The following RALGAPB variants were observed in gnomAD, a reference collection of about 807,000 sequenced individuals.
The protein encoded by RALGAPB is ral GTPase-activating protein subunit beta.
Under a neutral mutation model 161.1 loss-of-function variants are expected in RALGAPB, and 25 were observed. The observed-to-expected ratio is 0.16, with a 90% confidence interval of 0.11 to 0.22. The LOEUF (loss-of-function observed/expected upper bound fraction) is 0.22, where lower values mean the gene tolerates loss of function less well. Among genes scored for constraint, RALGAPB ranks in the 10% least tolerant of loss-of-function variants. The pLI, the probability that RALGAPB is intolerant of heterozygous loss-of-function variation, is 1.00. For missense variants in RALGAPB, 1,391 were observed against 1,815.2 expected, an observed-to-expected ratio of 0.77 and a Z score of 4.25; for synonymous variants, 629 against 626.1, an observed-to-expected ratio of 1.00 and a Z score of -0.07.
At chr20:38,569,572 T>C (rs1038600549) in intron 26 of RALGAPB, 7 of 231,954 alleles carry the variant, frequency 3.0e-5, no homozygotes, top group Admixed American at 2.0e-4. Flanking sequence ...CTAACAGAGA[T>C]AGACTCAAAT....
At position 38,541,003 on chromosome 20, in the gene RALGAPB, G is replaced by A. The variant is rs1360254681; in HGVS notation, c.2563-38G>A. The A allele has an allele frequency of 2.5e-6, 4 of 1,603,320 alleles. 1 individual carries two copies. Among genetic ancestry groups the A allele is most frequent in the Non-Finnish European group, 3.4e-6 (4 of 1,172,990 alleles). On this transcript the variant is annotated intron_variant, in intron 17 of 29. Transcript: ENST00000262879. ...ATTTCCTTGTCTTCTCATGAGAAAGGTGTGTTCTAAAAATTGATCTGCCTT... is the reference window on the plus strand; with the variant it reads ...ATTTCCTTGTCTTCTCATGAGAAAGATGTGTTCTAAAAATTGATCTGCCTT...
At chr20:38,546,894 C>A (rs1025308725) in intron 19 of RALGAPB, 4 of 156,792 alleles carry the variant, frequency 2.6e-5, no homozygotes, top group African/African-American at 9.7e-5. Flanking sequence ...TCCCAGGGAC[C>A]CTTGAATTTT....
At chr20:38,494,427 TC>T (rs2085360226) in intron 3 of RALGAPB, among the ~76,000 whole-genome samples, 1 of 152,198 alleles carries the variant, frequency 6.6e-6, no homozygotes, top group South Asian at 2.1e-4. Flanking sequence ...GGTCAGGAGT[TC>T]CAGACCAGCC....
At chr20:38,531,313 G>A in intron 14 of RALGAPB, 82 bp downstream of exon 14, 2 of 1,178,306 alleles carry the variant, frequency 1.7e-6, no homozygotes, top group Middle Eastern at 1.9e-4. Context: ...CCATCTTTGT[G>A]AATTTTAAAG....
At chr20:38,522,404 C>T (rs749492994) in intron 10 of RALGAPB, among the ~76,000 whole-genome samples, 9 of 152,118 alleles carry the variant, frequency 5.9e-5, no homozygotes, top group Admixed American at 1.3e-4. Context: ...GTTGATCAAC[C>T]GATCAACCAA....
At chr20:38,533,342 T>C (rs2086712754) in intron 15 of RALGAPB, among the ~76,000 whole-genome samples, 1 of 152,184 alleles carries the variant, frequency 6.6e-6, no homozygotes, top group African/African-American at 2.4e-5. Context: ...GAAACATTTT[T>C]ATTTTCTGCC....
intron 4 of RALGAPB, among the ~76,000 whole-genome samples, chr20:38,498,504 T>C (rs2085490732): frequency 6.6e-6 from 1 of 152,368 alleles, no homozygotes; most frequent in South Asian, 2.1e-4. Flanking sequence ...GATGCAATGA[T>C]AGTAATACTC....
intron 2 of RALGAPB, among the ~76,000 whole-genome samples, chr20:38,490,769 C>A (rs2085256713): frequency 6.6e-6 from 1 of 152,120 alleles, no homozygotes; most frequent in South Asian, 2.1e-4. Context: ...CTTGGCCTCC[C>A]AAAGTGCTGG....
intron 18 of RALGAPB, among the ~76,000 whole-genome samples, chr20:38,542,288 C>T (rs1301160805): frequency 6.6e-6 from 1 of 152,134 alleles, no homozygotes; most frequent in Non-Finnish European, 1.5e-5. Context: ...CAGCCCTTAC[C>T]AAGATCCCAG....
rs555344371 is a variant in RALGAPB at position 38,558,465 on chromosome 20, G to A, written c.3531+12G>A. ...AAACGAACCAAGAGGTAAGAGTTACGAATTTTTTTTTTTTGGTATGTTTTT... is the reference window on the plus strand; with the variant it reads ...AAACGAACCAAGAGGTAAGAGTTACAAATTTTTTTTTTTTGGTATGTTTTT... On this transcript the variant is annotated intron_variant, in intron 23 of 29. Coordinates refer to ENST00000262879, the MANE Select transcript of RALGAPB (RefSeq NM_020336.4). 1.0e-5 allele frequency: 16 copies of A among 1,537,620 alleles called. No individual in the cohort carries two copies. Among genetic ancestry groups the A allele is most frequent in the Admixed American group, 6.1e-5 (3 of 48,838 alleles).
chr20:38,473,408 A>C (rs890826699), intron 1 of RALGAPB, among the ~76,000 whole-genome samples: 3 of 152,212 alleles, frequency 2.0e-5, no homozygotes, highest in African/African-American at 7.2e-5. Flanking sequence ...CAGAAAGGTT[A>C]GGCAAGTTGC....
chr20:38,529,714 G>A (rs2086590937), intron 13 of RALGAPB, among the ~76,000 whole-genome samples: 1 of 151,298 alleles, frequency 6.6e-6, no homozygotes, highest in East Asian at 2.0e-4. Context: ...GTGGTGGCAG[G>A]CGCCTGTAAT....
At chr20:38,487,704 A>G (rs1301707715) in intron 1 of RALGAPB, among the ~76,000 whole-genome samples, 1 of 152,202 alleles carries the variant, frequency 6.6e-6, no homozygotes, top group African/African-American at 2.4e-5. Flanking sequence ...TCTTGCAGGA[A>G]AATCTAGGAG....
Position 38,517,594 on chromosome 20 carries a change from C to T in RALGAPB, c.1140C>T (p.Pro380=), listed in dbSNP as rs568933534. 14 of 1,613,886 alleles carry T rather than the reference C, an allele frequency of 8.7e-6. No individual in the cohort carries two copies. The African/African-American group carries it at 9.4e-5, about 11-fold the overall frequency. ...AAAGTGCTGCTGTCAGTACCACCCC[C>T]CCACATAACCGGAGGCACCGGGCTG... is the stretch of plus-strand genomic sequence containing the variant. ...MPQSAAVSTT[P]PHNRRHRAVT... is the part of the protein sequence containing the mutation. Residue 380 remains proline, a synonymous_variant, in exon 8 of 30, where the codon CCC becomes CCT. Transcript: ENST00000262879.
chr20:38,530,475 C>G (rs1198386910), intron 13 of RALGAPB, among the ~76,000 whole-genome samples: 2 of 151,644 alleles, frequency 1.3e-5, no homozygotes, highest in African/African-American at 4.8e-5. Context: ...ACTCTGGTCT[C>G]AAACTCCTAG....
chr20:38,480,224 A>G (rs564773433), intron 1 of RALGAPB, among the ~76,000 whole-genome samples: 19 of 151,814 alleles, frequency 1.3e-4, no homozygotes, highest in Non-Finnish European at 2.2e-4. Context: ...CCTAACATTC[A>G]GAGTCCTTCA....
chr20:38,555,508 C>T (rs903519954), intron 22 of RALGAPB, among the ~76,000 whole-genome samples: 1 of 151,604 alleles, frequency 6.6e-6, no homozygotes, highest in African/African-American at 2.4e-5. Flanking sequence ...ATATGGAAGG[C>T]AAGGAAAAAA....
rs148652583 is a variant in RALGAPB, at chr20:38,563,965, A to C, written c.3697+1268A>C. On this transcript the variant is annotated intron_variant, in intron 24 of 29. Transcript: ENST00000262879. Reference sequence around the variant, plus strand: ...GAGGAGAGATTAGCCAGATCTCAGAACTCCCTACTCCCCGAATCCGGAACT... The same window carrying C: ...GAGGAGAGATTAGCCAGATCTCAGACCTCCCTACTCCCCGAATCCGGAACT... Among the ~76,000 whole-genome samples the C allele has an allele frequency of 4.2e-3, 643 of 152,090 alleles. 3 individuals carry two copies. The highest frequency in any genetic ancestry group is 0.015 in the African/African-American group (610 of 41,448).
At chr20:38,555,012 A>G (rs2087527364) in intron 22 of RALGAPB, among the ~76,000 whole-genome samples, 1 of 152,186 alleles carries the variant, frequency 6.6e-6, no homozygotes, top group Non-Finnish European at 1.5e-5. Context: ...TGAGCCTGAG[A>G]GTTCGAGGTT....
Sources: allele counts gnomAD v4.1 joint callset (sites outside exome capture counted in the v4.1 genomes callset), GRCh38; gene constraint gnomAD v4.1.1; transcripts MANE v1.5; gene names NCBI Gene and HGNC (gene_info 2026-07-23, HGNC 2026-07-21).